The following SCAI variants were observed in gnomAD, a reference collection of about 807,000 sequenced individuals.
SCAI encodes the protein suppressor of cancer cell invasion, also known as protein SCAI.
In SCAI, 24 loss-of-function variants were observed where a neutral mutation model predicts 92.2. The observed-to-expected ratio is 0.26, with a 90% CI of 0.19 to 0.37. The LOEUF (loss-of-function observed/expected upper bound fraction) is 0.37. Among genes scored for constraint, SCAI ranks in the 10% least tolerant of loss-of-function variants. The probability of loss-of-function intolerance (pLI) is 1.00; values close to 1 mark genes in which losing one functional copy is unlikely to be tolerated. For synonymous variants in SCAI, 261 were observed against 258.6 expected (o/e 1.01, Z -0.09); for missense variants, 450 against 736.2 (o/e 0.61, Z 4.50).
At chr9:125,083,801 T>C (rs1588207423) in intron 2 of SCAI, among the ~76,000 whole-genome samples, 1 of 152,096 alleles carries the variant, frequency 6.6e-6, no homozygotes, top group East Asian at 1.9e-4. Flanking sequence ...TTTCACAGAG[T>C]GTACTTTCTA....
rs1406890288 is a variant in SCAI, at chr9:124,946,994, T to G, written c.*5813A>C. On this transcript the variant is annotated 3_prime_UTR_variant, in exon 18 of 18. Transcript: ENST00000336505. The surrounding 1 kb of genome is among the most constrained non-coding windows in gnomAD (Gnocchi z 4.0). ...TAACAACCTCCCGTTCCTCACTAAA[T>G]CCTATCCTACTTAGGTTAGGCCATC... The G allele has an allele frequency of 6.6e-6, 1 of 152,140 alleles. No individual in the cohort carries two copies. The highest frequency in any genetic ancestry group is 2.4e-5 in the African/African-American group (1 of 41,432). 9.4% of individuals were successfully genotyped at this position (152,140 alleles called of 1,614,324 possible).
At chr9:125,001,678 T>C (rs1564373043) in intron 12 of SCAI, among the ~76,000 whole-genome samples, 1 of 152,232 alleles carries the variant, frequency 6.6e-6, no homozygotes, top group Admixed American at 6.5e-5. Context: ...AAACTCCTTA[T>C]GTATATCTAA....
At position 125,012,772 on chromosome 9, in the gene SCAI, G is replaced by C. The variant is rs369306713; in HGVS notation, c.861+6027C>G. Among the ~76,000 whole-genome samples the C allele has an allele frequency of 7.2e-5, 11 of 152,148 alleles. No homozygotes were observed. The South Asian group carries it at 8.3e-4, about 11-fold the overall frequency. ...CACCTATTCCAAAATTGACCACATA[G>C]TTGGAAGTAAAGCTCTCCTCAGCAA... On this transcript the variant is annotated intron_variant, in intron 9 of 17. Transcript: ENST00000336505.
In SCAI at chr9:125,115,264, C is replaced by G. The variant is rs1835016482; in HGVS notation, c.98+27369G>C. On this transcript the variant is annotated intron_variant, in intron 2 of 17. Coordinates refer to ENST00000336505, the MANE Select transcript of SCAI (RefSeq NM_001144877.3). ...GTGGGCACCTGTAGTCCCAGCTACT[C>G]GGGAGGCTGAGGCAGGAGAATGACA... Among the ~76,000 whole-genome samples the G allele has an allele frequency of 4.8e-5, 7 of 145,684 alleles. No homozygotes were observed. In the South Asian group the frequency reaches 1.6e-3, roughly 33 times the overall value.
intron 2 of SCAI, among the ~76,000 whole-genome samples, chr9:125,088,711 C>G (rs1156424287): frequency 6.6e-6 from 1 of 152,170 alleles, no homozygotes; most frequent in Non-Finnish European, 1.5e-5. Flanking sequence ...CTCATGGGCT[C>G]AAGCAATCCT....
intron 14 of SCAI, among the ~76,000 whole-genome samples, chr9:124,977,160 C>T (rs1301497613): frequency 2.0e-5 from 3 of 152,116 alleles, no homozygotes; most frequent in African/African-American, 4.8e-5. Context: ...TGAGCCAGCA[C>T]GCCCAGCCAA....
chr9:124,982,467 T>A (rs1424445156), intron 14 of SCAI, among the ~76,000 whole-genome samples: 2 of 151,228 alleles, frequency 1.3e-5, no homozygotes, highest in Admixed American at 1.3e-4. Context: ...AGGTCAGGAG[T>A]TCGACACCAG....
intron 2 of SCAI, among the ~76,000 whole-genome samples, chr9:125,092,131 T>TAAAAAAAAAAAAAAAAAA: frequency 1.6e-5 from 1 of 61,144 alleles, no homozygotes; most frequent in African/African-American, 6.1e-5. Context: ...CTCCGTCTCT[T>TAAAAAAAAAAAAAAAAAA]AAAAAAAAAA....
intron 2 of SCAI, among the ~76,000 whole-genome samples, chr9:125,077,386 T>C (rs901606140): frequency 3.3e-5 from 5 of 152,252 alleles, no homozygotes; most frequent in Non-Finnish European, 5.9e-5. Flanking sequence ...ACTTTTTGGC[T>C]ACTATGAATA....
rs769856068 is a variant in SCAI at position 125,142,685 on chromosome 9, CCAAA to C, written c.54-12_54-9del. 16 of 1,612,870 alleles carry C rather than the reference CCAAA, an allele frequency of 9.9e-6. No homozygotes were observed. The highest frequency in any genetic ancestry group is 2.2e-5 in the East Asian group (1 of 44,886). The stretch of plus-strand genomic sequence containing the variant: ...TCCACTGTGCCAGTCAGTCTGCAGA[CCAAA>C]CAAATAAGACGGTAACTAAAAGTAA... On this transcript the variant is annotated splice_polypyrimidine_tract_variant and intron_variant, in intron 1 of 17. Transcript: ENST00000336505.
At chr9:125,096,767 A>G (rs569754899) in intron 2 of SCAI, among the ~76,000 whole-genome samples, 29 of 152,338 alleles carry the variant, frequency 1.9e-4, no homozygotes, top group South Asian at 2.1e-4. Context: ...ATCACACTCA[A>G]TAACTGTACA....
Position 125,118,743 on chromosome 9 carries a change from C to T in SCAI, c.98+23890G>A, listed in dbSNP as rs533167832. On this transcript the variant is annotated intron_variant, in intron 2 of 17. Coordinates refer to ENST00000336505, the MANE Select transcript of SCAI (RefSeq NM_001144877.3). ...TGGCCTCGATGAGTGTTGTTCCCTT[C>T]CCTGTGTCCATGTGTTCTCCTTGTT... 1.6e-3 allele frequency among the ~76,000 whole-genome samples: 239 copies of T among 152,208 alleles called. 2 individuals are homozygous for T. The Middle Eastern group carries it at 0.041, about 26-fold the overall frequency.
chr9:125,133,575 A>G (rs958900454), intron 2 of SCAI, among the ~76,000 whole-genome samples: 32 of 152,328 alleles, frequency 2.1e-4, no homozygotes, highest in Non-Finnish European at 4.4e-4. Flanking sequence ...CATCAGGGAA[A>G]GGCAAATGAA....
At chr9:125,001,031 A>G (rs2131630675) in intron 12 of SCAI, among the ~76,000 whole-genome samples, 1 of 152,344 alleles carries the variant, frequency 6.6e-6, no homozygotes, top group East Asian at 1.9e-4. Context: ...ATTTAACAGT[A>G]TATGAGACAT....
intron 17 of SCAI, among the ~76,000 whole-genome samples, chr9:124,965,564 C>A (rs1390376855): frequency 1.3e-5 from 2 of 152,128 alleles, no homozygotes; most frequent in Non-Finnish European, 2.9e-5. Context: ...AACCTTGCAC[C>A]TACATAAACG....
At chr9:125,054,214 AT>A (rs1369732026) in intron 3 of SCAI, among the ~76,000 whole-genome samples, 1 of 152,074 alleles carries the variant, frequency 6.6e-6, no homozygotes, top group African/African-American at 2.4e-5. Flanking sequence ...GGCTCAAGTG[AT>A]CCTCCCACCT....
chr9:125,066,978 T>C (rs1015591215), intron 2 of SCAI, among the ~76,000 whole-genome samples: 1 of 152,196 alleles, frequency 6.6e-6, no homozygotes, highest in African/African-American at 2.4e-5. Context: ...CTATACCATC[T>C]AGTTTGTGTA....
intron 9 of SCAI, among the ~76,000 whole-genome samples, chr9:125,014,634 C>T (rs1320037361): frequency 2.6e-5 from 4 of 152,150 alleles, no homozygotes; most frequent in Admixed American, 2.0e-4. Flanking sequence ...TCAATGCCAT[C>T]CCCATCAAGC....
Position 124,966,218 on chromosome 9 carries a change from C to A in SCAI, c.1674+5152G>T, listed in dbSNP as rs1205748832. On this transcript the variant is annotated intron_variant, in intron 17 of 17. Transcript: ENST00000336505. ...CATTAGGTATATCTCCTAATGCTAT[C>A]CCTCCCCCCTCCCCCGACCCCACAA... 2.4e-5 allele frequency among the ~76,000 whole-genome samples: 3 copies of A among 126,772 alleles called. No individual in the cohort carries two copies. In the Admixed American group the frequency reaches 2.6e-4, roughly 11 times the overall value. The allele number at this position is 126,772 out of a possible 152,430, so 83.2% of individuals were successfully genotyped here. A position where few individuals can be genotyped will look rare whatever the true frequency, so the allele number is the denominator to read the frequency against.
Sources: gnomAD v4.1 joint callset for allele counts (sites outside exome capture counted in the v4.1 genomes callset) on GRCh38, gnomAD v4.1.1 for gene constraint, Gnocchi (gnomAD v3.1) non-coding constraint, MANE v1.5 for transcripts, NCBI Gene and HGNC (gene_info 2026-07-23, HGNC 2026-07-21) for gene names.